NIPBL: variants seen among roughly 807,000 people sequenced by gnomAD.
NIPBL encodes the protein NIPBL cohesin loading factor, also known as nipped-B-like protein.
A neutral mutation model predicts 321.8 loss-of-function variants in NIPBL; 19 were observed. That is an observed-to-expected ratio of 0.06 (90% CI 0.04 to 0.09). The LOEUF (loss-of-function observed/expected upper bound fraction) is 0.09, where lower values mean the gene tolerates loss of function less well. Ranked by LOEUF, NIPBL falls within the 10% of genes least tolerant of loss-of-function variation. NIPBL has a pLI of 1.00. For synonymous variants in NIPBL, 1,106 were observed against 1,114.1 expected (o/e 0.99, Z 0.14); for missense variants, 2,210 against 3,327.0 (o/e 0.66, Z 8.26).
chr5:37,061,328 G>T (rs986527797), intron 45 of NIPBL, among the ~76,000 whole-genome samples: 2 of 152,108 alleles, frequency 1.3e-5, no homozygotes, highest in Admixed American at 1.3e-4. Flanking sequence ...CGGGAAATTG[G>T]TTCCAGTCCC....
At chr5:36,930,880 G>C (rs985455019) in intron 1 of NIPBL, among the ~76,000 whole-genome samples, 1 of 152,044 alleles carries the variant, frequency 6.6e-6, no homozygotes, top group Non-Finnish European at 1.5e-5. Context: ...GCATTCACAG[G>C]ATAAATCCCA....
At position 36,996,919 on chromosome 5, in the gene NIPBL, C is replaced by T. The variant is rs1386607121; in HGVS notation, c.3304+1115C>T. ...TTACTGATTTTTTTTTAATTGTGAG[C>T]TCTTGAGCTATGAGCAGTAGACTAT... On this transcript the variant is annotated intron_variant, in intron 11 of 46. Transcript: ENST00000282516. The surrounding 1 kb of genome is among the most constrained non-coding windows in gnomAD (Gnocchi z 5.0). 6.1e-6 allele frequency: 1 copy of T among 164,496 alleles called. No individual in the cohort carries two copies. The highest frequency in any genetic ancestry group is 1.3e-5 in the Non-Finnish European group (1 of 75,848). The allele number at this position is 164,496 out of a possible 1,614,324, so 10.2% of individuals were successfully genotyped here. A position where few individuals can be genotyped will look rare whatever the true frequency, so the allele number is the denominator to read the frequency against.
rs879213989 is a variant in NIPBL, at chr5:36,899,087, A to G, written c.-80+21909A>G. Among the ~76,000 whole-genome samples, 139 of 152,302 alleles carry G rather than the reference A, an allele frequency of 9.1e-4. 1 individual carries two copies. Among genetic ancestry groups the G allele is most frequent in the African/African-American group, 3.2e-3 (135 of 41,562 alleles). On this transcript the variant is annotated intron_variant, in intron 1 of 46. Transcript: ENST00000282516. Reference sequence around the variant, plus strand: ...TGTTGTAATGCTGCTGTATTTCCCAATTGTGATTTCCAAAATTTCTTTGAT... The same window carrying G: ...TGTTGTAATGCTGCTGTATTTCCCAGTTGTGATTTCCAAAATTTCTTTGAT...
intron 1 of NIPBL, among the ~76,000 whole-genome samples, chr5:36,913,384 T>TC (rs1748201929): frequency 2.0e-5 from 3 of 149,610 alleles, no homozygotes; most frequent in African/African-American, 7.5e-5. Flanking sequence ...CTTATTTCCT[T>TC]CTTTTTTTTT....
At chr5:36,900,095 G>A (rs1277416988) in intron 1 of NIPBL, among the ~76,000 whole-genome samples, 1 of 151,898 alleles carries the variant, frequency 6.6e-6, no homozygotes, top group African/African-American at 2.4e-5. Context: ...TATTTGACTG[G>A]CATTATTTAA....
intron 1 of NIPBL, among the ~76,000 whole-genome samples, chr5:36,911,527 G>A (rs1561376453): frequency 1.3e-5 from 2 of 151,970 alleles, no homozygotes. Flanking sequence ...TATGACCCTT[G>A]TTATTTTCTA....
intron 1 of NIPBL, among the ~76,000 whole-genome samples, chr5:36,896,541 TAAC>T (rs765705677): frequency 7.9e-5 from 12 of 152,334 alleles, no homozygotes; most frequent in Admixed American, 7.2e-4. Context: ...TATTAAATCT[TAAC>T]AATCCAAGGG....
chr5:36,986,222 G>C lies in NIPBL; in HGVS notation c.3042G>C (p.Gln1014His), dbSNP rs1368076894. ...AAAAACTGTCTTTGGATGATGTTCA[G>C]AAACTTATTAAAGATAGAGAGGACA... Reference protein sequence around the residue: ...VLQKLSLDDVQKLIKDREDKS... With the variant: ...VLQKLSLDDVHKLIKDREDKS... The change falls in exon 10 of 47, where the codon CAG becomes CAC. Residue 1014 changes from glutamine (Q) to histidine (H), a missense_variant. Around this residue, in one of 14 missense-constraint regions of NIPBL, gnomAD observed 381 missense variants for 642.3 expected, o/e 0.59. Transcript: ENST00000282516. 6.3e-7 allele frequency: 1 copy of C among 1,592,096 alleles called. No homozygotes were observed. The highest frequency in any genetic ancestry group is 1.4e-5 in the African/African-American group (1 of 73,600).
intron 1 of NIPBL, among the ~76,000 whole-genome samples, chr5:36,932,573 A>C (rs1021168685): frequency 2.0e-5 from 3 of 151,954 alleles, no homozygotes; most frequent in African/African-American, 4.8e-5. Flanking sequence ...TGTATCTTTG[A>C]ATCAAAGAGT....
intron 33 of NIPBL, 144 bp from the exon 34 acceptor site, chr5:37,038,458 T>G (rs1381292494): frequency 4.7e-6 from 3 of 634,316 alleles, no homozygotes; most frequent in Non-Finnish European, 8.1e-6. Flanking sequence ...GAAAGTCTAG[T>G]ATCATAAGAA....
At chr5:36,925,834 G>A (rs577185958) in intron 1 of NIPBL, among the ~76,000 whole-genome samples, 5 of 151,996 alleles carry the variant, frequency 3.3e-5, no homozygotes, top group Non-Finnish European at 7.4e-5. Flanking sequence ...CACATTTCCT[G>A]CTTTCCATTC....
chr5:37,049,276 A>G lies in NIPBL; in HGVS notation c.6929A>G (p.Asn2310Ser). 1 of 1,614,116 alleles carries G rather than the reference A, an allele frequency of 6.2e-7. No individual in the cohort carries two copies. The highest frequency in any genetic ancestry group is 8.5e-7 in the Non-Finnish European group (1 of 1,180,002). The change falls in exon 40 of 47, where the codon AAT (asparagine) becomes AGT (serine). Residue 2310 changes from asparagine to serine, a missense_variant. Asn to Ser is a conservative substitution (Grantham distance 46). Coordinates refer to ENST00000282516, the MANE Select transcript of NIPBL (RefSeq NM_133433.4). Reference sequence around the variant, plus strand: ...CTAAATGTCATTGCATTGACTCTAAATCAAGGTCTTATTCATCCAGTTCAG... The same window carrying G: ...CTAAATGTCATTGCATTGACTCTAAGTCAAGGTCTTATTCATCCAGTTCAG... ...FALNVIALTL[N>S]QGLIHPVQCV...
chr5:36,968,098 AAAAAAAAAAAAAAC>A (rs1742422398), intron 6 of NIPBL, among the ~76,000 whole-genome samples: 1 of 147,046 alleles, frequency 6.8e-6, no homozygotes, highest in Non-Finnish European at 1.5e-5. Flanking sequence ...TCTGTCTCAA[AAAAAAAAAAAAAAC>A]AAAAAACAAA....
chr5:37,038,482 A>G (rs1751969054), intron 33 of NIPBL, 120 bp from the exon 34 acceptor site: 2 of 745,146 alleles, frequency 2.7e-6, no homozygotes, highest in African/African-American at 1.8e-5. Flanking sequence ...CTAATTCATT[A>G]TATTGAGGCC....
At chr5:36,966,601 A>G (rs934940689) in intron 6 of NIPBL, among the ~76,000 whole-genome samples, 3 of 152,224 alleles carry the variant, frequency 2.0e-5, no homozygotes, top group Non-Finnish European at 2.9e-5. Flanking sequence ...TAAATATACA[A>G]TTTCCCATTA....
At chr5:36,893,589 T>C (rs1196095496) in intron 1 of NIPBL, among the ~76,000 whole-genome samples, 2 of 152,078 alleles carry the variant, frequency 1.3e-5, no homozygotes, top group South Asian at 2.1e-4. Flanking sequence ...TCAGTAAGAA[T>C]TGAATAACTG....
chr5:37,035,262 C>G (rs1010013124), intron 32 of NIPBL, among the ~76,000 whole-genome samples: 2 of 152,240 alleles, frequency 1.3e-5, no homozygotes, highest in African/African-American at 4.8e-5. Context: ...CAATGAGACC[C>G]TGTCTCAGAA....
chr5:36,923,703 T>C (rs370095940), intron 1 of NIPBL, among the ~76,000 whole-genome samples: 13 of 152,346 alleles, frequency 8.5e-5, no homozygotes, highest in South Asian at 8.3e-4. Context: ...TTCTGTGTAA[T>C]GTCTGTATTA....
intron 38 of NIPBL, among the ~76,000 whole-genome samples, chr5:37,048,035 T>C (rs1007300535): frequency 6.6e-6 from 1 of 152,148 alleles, no homozygotes; most frequent in African/African-American, 2.4e-5. Flanking sequence ...CTGCTGGGGA[T>C]CTGAAAAATG....
Sources: gnomAD v4.1 joint callset for allele counts (sites outside exome capture counted in the v4.1 genomes callset) on GRCh38, gnomAD v4.1.1 for gene constraint, gnomAD v4.1.1 regional missense constraint, Gnocchi (gnomAD v3.1) non-coding constraint, MANE v1.5 for transcripts, NCBI Gene and HGNC (gene_info 2026-07-23, HGNC 2026-07-21) for gene names.